Variants in ARHGEF7 observed in about 807,000 individuals in gnomAD.
The protein encoded by ARHGEF7 is PAK-interacting exchange factor beta.
A neutral mutation model predicts 109.8 loss-of-function variants in ARHGEF7; 33 were observed. That is an observed-to-expected ratio of 0.30 (90% confidence interval 0.23 to 0.40). The LOEUF is 0.40. Ranked by LOEUF, ARHGEF7 falls within the 10% of genes least tolerant of loss-of-function variation. The pLI, the probability that ARHGEF7 is intolerant of heterozygous loss-of-function variation, is 1.00. For synonymous variants in ARHGEF7, 458 were observed against 424.6 expected (o/e 1.08, Z -0.97); for missense variants, 938 against 1,098.5 (o/e 0.85, Z 2.07).
intron 2 of ARHGEF7, among the ~76,000 whole-genome samples, chr13:111,200,345 T>C (rs75509311): frequency 0.11 from 16,167 of 152,270 alleles, 1,192 homozygotes; most frequent in Middle Eastern, 0.16. Flanking sequence ...TTTTCTCTTA[T>C]TGTCCTGTAG....
intron 3 of ARHGEF7, among the ~76,000 whole-genome samples, chr13:111,207,817 C>A (rs1176477729): frequency 6.6e-6 from 1 of 152,130 alleles, no homozygotes; most frequent in Admixed American, 6.5e-5. Flanking sequence ...TTTACCTCTA[C>A]CTTATGGAAA....
intron 6 of ARHGEF7, among the ~76,000 whole-genome samples, chr13:111,236,939 C>T (rs1228477013): frequency 6.6e-6 from 1 of 152,176 alleles, no homozygotes; most frequent in Non-Finnish European, 1.5e-5. Flanking sequence ...CACTTCCAGC[C>T]TGAGCTACAG....
At chr13:111,270,982 C>T (rs536892570) in intron 9 of ARHGEF7, among the ~76,000 whole-genome samples, 3 of 152,234 alleles carry the variant, frequency 2.0e-5, no homozygotes, top group African/African-American at 2.4e-5. Context: ...ACAGGCTGCC[C>T]GTGGTCAGAG....
chr13:111,261,643 C>T (rs1595298596), intron 8 of ARHGEF7, among the ~76,000 whole-genome samples: 1 of 152,188 alleles, frequency 6.6e-6, no homozygotes, highest in African/African-American at 2.4e-5. Flanking sequence ...CTAGTGGCTT[C>T]AGAATGCACA....
chr13:111,151,384 T>G (rs189653429), intron 1 of ARHGEF7, among the ~76,000 whole-genome samples: 34 of 152,346 alleles, frequency 2.2e-4, no homozygotes, highest in Middle Eastern at 3.4e-3. Flanking sequence ...CTGCACTGGC[T>G]GAGAAGGGTT....
intron 3 of ARHGEF7, among the ~76,000 whole-genome samples, chr13:111,208,491 CTG>C (rs926278245): frequency 6.6e-6 from 1 of 152,140 alleles, no homozygotes; most frequent in African/African-American, 2.4e-5. Context: ...ATTTAGTTGA[CTG>C]TAACTGGCCT....
intron 2 of ARHGEF7, among the ~76,000 whole-genome samples, chr13:111,154,620 G>T (rs2076159919): frequency 6.6e-6 from 1 of 152,160 alleles, no homozygotes; most frequent in African/African-American, 2.4e-5. Context: ...ATACTGGGCG[G>T]GGTCTCGATT....
At chr13:111,125,832 C>G (rs114479020) in intron 1 of ARHGEF7, among the ~76,000 whole-genome samples, 4 of 152,166 alleles carry the variant, frequency 2.6e-5, no homozygotes, top group African/African-American at 9.7e-5. Context: ...TCTGAAAAAG[C>G]CTTTTGCTTT....
chr13:111,291,913 A>C (rs145958338), intron 18 of ARHGEF7, among the ~76,000 whole-genome samples: 89 of 152,348 alleles, frequency 5.8e-4, no homozygotes, highest in African/African-American at 2.0e-3. Context: ...GTTTTATTCT[A>C]AGGGTTTTGC....
intron 19 of ARHGEF7, chr13:111,292,954 G>A (rs2093335133): frequency 2.0e-6 from 2 of 985,846 alleles, no homozygotes; most frequent in African/African-American, 3.5e-5. Context: ...ACGGCTCTGT[G>A]CTCTTCTGTG....
intron 12 of ARHGEF7, chr13:111,276,037 AGG>A (rs1265634390): frequency 3.8e-6 from 1 of 260,660 alleles, no homozygotes; most frequent in African/African-American, 2.2e-5. Flanking sequence ...TCACTCTCAC[AGG>A]GACCTGCTGC....
In ARHGEF7 at chr13:111,275,596, G is replaced by A. The variant is rs778507211; in HGVS notation, c.1337G>A (p.Arg446Gln). ...CTGCAGATCCTGACGGAAGCCATCC[G>A]GAACTGGGAGGGCGATGACATTAAA... Reference protein sequence around the residue: ...LELQILTEAIRNWEGDDIKTL... With the variant: ...LELQILTEAIQNWEGDDIKTL... The change falls in exon 12 of 22, where the codon CGG becomes CAG. Residue 446 changes from arginine (R) to glutamine (Q), a missense_variant. By Grantham distance (43) the Arg-to-Gln change is conservative. This residue lies in a region of ARHGEF7 where 585 missense variants were observed against 723.6 expected (regional missense o/e 0.81). Coordinates refer to ENST00000646102, the MANE Select transcript of ARHGEF7 (RefSeq NM_001354046.2). 37 of 1,614,168 alleles carry A rather than the reference G, an allele frequency of 2.3e-5. No homozygotes were observed. Among genetic ancestry groups the A allele is most frequent in the African/African-American group, 4.0e-5 (3 of 75,040 alleles).
intron 1 of ARHGEF7, among the ~76,000 whole-genome samples, chr13:111,139,541 G>T (rs1444092424): frequency 1.3e-5 from 2 of 150,706 alleles, no homozygotes; most frequent in African/African-American, 4.9e-5. Context: ...GGCTCTTGTG[G>T]GTGCCTGCGT....
chr13:111,120,275 G>A (rs1210563079), intron 1 of ARHGEF7, among the ~76,000 whole-genome samples: 1 of 152,194 alleles, frequency 6.6e-6, no homozygotes, highest in Non-Finnish European at 1.5e-5. Context: ...TAAATCAGGA[G>A]TGCCTGAAGA....
At chr13:111,162,375 TG>T (rs1241844437) in intron 2 of ARHGEF7, among the ~76,000 whole-genome samples, 4 of 152,324 alleles carry the variant, frequency 2.6e-5, no homozygotes, top group Admixed American at 2.6e-4. Context: ...CTGCTAGAAT[TG>T]GAAATAAAAG....
chr13:111,261,904 T>C (rs73622161), intron 8 of ARHGEF7, among the ~76,000 whole-genome samples: 5,118 of 152,200 alleles, frequency 0.034, 291 homozygotes, highest in African/African-American at 0.12. Context: ...AATTTAAAAA[T>C]TTCTTGAAAC....
intron 1 of ARHGEF7, among the ~76,000 whole-genome samples, chr13:111,126,690 C>A (rs928185806): frequency 1.3e-5 from 2 of 152,172 alleles, no homozygotes; most frequent in Non-Finnish European, 1.5e-5. Context: ...TGACCAAGCT[C>A]ATTTCCCTAG....
chr13:111,264,319 C>T (rs996514538), intron 8 of ARHGEF7, among the ~76,000 whole-genome samples: 40 of 152,164 alleles, frequency 2.6e-4, no homozygotes, highest in Admixed American at 8.5e-4. Flanking sequence ...ATGAGATTAA[C>T]GCAACTGAAG....
At chr13:111,188,029 C>T (rs1672753088) in intron 2 of ARHGEF7, among the ~76,000 whole-genome samples, 1 of 152,192 alleles carries the variant, frequency 6.6e-6, no homozygotes, top group Non-Finnish European at 1.5e-5. Flanking sequence ...TTCTTATGAA[C>T]CGAGCACAGC....
Sources: gnomAD v4.1 joint callset for allele counts (sites outside exome capture counted in the v4.1 genomes callset) on GRCh38, gnomAD v4.1.1 for gene constraint, gnomAD v4.1.1 regional missense constraint, MANE v1.5 for transcripts, NCBI Gene and HGNC (gene_info 2026-07-23, HGNC 2026-07-21) for gene names.